FGF9: variants seen among roughly 807,000 people sequenced by gnomAD.
FGF9 encodes fibroblast growth factor 9 (glia-activating factor).
Under a neutral mutation model 19.9 loss-of-function variants are expected in FGF9, and 3 were observed. The ratio of observed to expected loss-of-function variants is 0.15; its 90% CI spans 0.07 to 0.39. FGF9 has a LOEUF of 0.39. Ranked by LOEUF, FGF9 falls within the 10% of genes least tolerant of loss-of-function variation. FGF9 has a pLI of 1.00. For synonymous variants in FGF9, 107 were observed against 106.9 expected, an observed-to-expected ratio of 1.00 and a Z score of -0.01; for missense variants, 175 against 256.8, an observed-to-expected ratio of 0.68 and a Z score of 2.18.
At chr13:21,695,989 G>A (rs147334628) in intron 2 of FGF9, among the ~76,000 whole-genome samples, 101 of 152,278 alleles carry the variant, frequency 6.6e-4, no homozygotes, top group African/African-American at 1.5e-3. Flanking sequence ...ACAGCATGGC[G>A]TAAGTCTATA....
At chr13:21,674,449 G>T (rs1593089560) in intron 1 of FGF9, among the ~76,000 whole-genome samples, 2 of 150,644 alleles carry the variant, frequency 1.3e-5, no homozygotes, top group South Asian at 4.2e-4. Context: ...CGCCGATCGC[G>T]ATCTGGCTTT....
At chr13:21,690,892 G>T (rs533271796) in intron 2 of FGF9, among the ~76,000 whole-genome samples, 1 of 152,390 alleles carries the variant, frequency 6.6e-6, no homozygotes, top group South Asian at 2.1e-4. Flanking sequence ...CTAAGCGCAA[G>T]AAGGCTGTAA....
At chr13:21,675,510 G>C (rs1947201758) in intron 1 of FGF9, among the ~76,000 whole-genome samples, 1 of 151,954 alleles carries the variant, frequency 6.6e-6, no homozygotes, top group Non-Finnish European at 1.5e-5. Flanking sequence ...AGGGGGCGAG[G>C]GGGCTGCGGT....
rs17070431 is a variant in FGF9, at chr13:21,691,594, A to T, written c.382-9596A>T. Among the ~76,000 whole-genome samples the T allele has an allele frequency of 0.037, 5,632 of 152,252 alleles. 146 individuals carry two copies. Among genetic ancestry groups the T allele is most frequent in the Non-Finnish European group, 0.057 (3,853 of 68,010 alleles). On this transcript the variant is annotated intron_variant, in intron 2 of 2. Coordinates refer to ENST00000382353, the MANE Select transcript of FGF9 (RefSeq NM_002010.3). This position sits in a 1 kb window ranked among gnomAD's most constrained non-coding sequence, Gnocchi z 4.2. ...GACATGTGGAGAGTCCTCCCCTGTC[A>T]GCATCAGCAGCCCCTCCGGGGCTGT...
intron 2 of FGF9, among the ~76,000 whole-genome samples, chr13:21,692,286 C>T (rs927196062): frequency 2.0e-5 from 3 of 152,034 alleles, no homozygotes; most frequent in African/African-American, 7.3e-5. Context: ...TTCCTTTTCC[C>T]CCCTTCTTTC....
At chr13:21,675,120 G>C (rs1455735081) in intron 1 of FGF9, among the ~76,000 whole-genome samples, 1 of 151,910 alleles carries the variant, frequency 6.6e-6, no homozygotes, top group African/African-American at 2.4e-5. Context: ...GCGCCGAGCC[G>C]CTAGCTAGCC....
chr13:21,676,096 T>C (rs928084132), intron 1 of FGF9, among the ~76,000 whole-genome samples: 1 of 152,138 alleles, frequency 6.6e-6, no homozygotes, highest in African/African-American at 2.4e-5. Context: ...ACTCCAGCCT[T>C]GCTAGATGGA....
At chr13:21,677,851 TC>T (rs1228643849) in intron 1 of FGF9, among the ~76,000 whole-genome samples, 2 of 152,206 alleles carry the variant, frequency 1.3e-5, no homozygotes, top group Non-Finnish European at 2.9e-5. Flanking sequence ...TGTAGGTAGT[TC>T]CTTCTCGCTT....
intron 2 of FGF9, among the ~76,000 whole-genome samples, chr13:21,685,688 T>G (rs1872140760): frequency 6.6e-6 from 1 of 152,202 alleles, no homozygotes; most frequent in South Asian, 2.1e-4. Flanking sequence ...TAGCTATACT[T>G]GTAAATAATT....
At chr13:21,700,629 A>G (rs191612972) in intron 2 of FGF9, among the ~76,000 whole-genome samples, 1 of 152,380 alleles carries the variant, frequency 6.6e-6, no homozygotes, top group Admixed American at 6.5e-5. Flanking sequence ...TATAAAATAT[A>G]TACTGGTGTT....
rs1872295895 is a variant in FGF9 at position 21,691,742 on chromosome 13, G to C, written c.382-9448G>C. Among the ~76,000 whole-genome samples the C allele has an allele frequency of 6.6e-6, 1 of 152,200 alleles. No homozygotes were observed. The highest frequency in any genetic ancestry group is 1.5e-5 in the Non-Finnish European group (1 of 68,042). ...CCCCTCCCGACTCCCCCTCACCAGG[G>C]ACTGACTTGAACTTGGTCAGAAACA... On this transcript the variant is annotated intron_variant, in intron 2 of 2. Coordinates refer to ENST00000382353, the MANE Select transcript of FGF9 (RefSeq NM_002010.3). The surrounding 1 kb of genome is among the most constrained non-coding windows in gnomAD (Gnocchi z 4.2).
intron 2 of FGF9, 135 bp downstream of exon 2, chr13:21,681,280 G>A: frequency 1.5e-6 from 1 of 683,632 alleles, no homozygotes; most frequent in Non-Finnish European, 2.6e-6. Context: ...ACTTTTTGAG[G>A]AAAGCCATTT....
chr13:21,694,675 T>C (rs1297157871), intron 2 of FGF9, among the ~76,000 whole-genome samples: 1 of 152,194 alleles, frequency 6.6e-6, no homozygotes, highest in African/African-American at 2.4e-5. Flanking sequence ...GGGGGAAAAA[T>C]GTTATATGTG....
intron 2 of FGF9, among the ~76,000 whole-genome samples, chr13:21,682,501 T>G (rs954180032): frequency 5.9e-5 from 9 of 152,164 alleles, no homozygotes; most frequent in Admixed American, 5.9e-4. Flanking sequence ...CATACATATA[T>G]ATAAAATGCT....
At chr13:21,697,723 C>T (rs1307682919) in intron 2 of FGF9, among the ~76,000 whole-genome samples, 1 of 152,004 alleles carries the variant, frequency 6.6e-6, no homozygotes, top group Non-Finnish European at 1.5e-5. Context: ...TTCACGATTG[C>T]TATTTTCCTG....
chr13:21,692,499 G>A (rs781276577), intron 2 of FGF9, among the ~76,000 whole-genome samples: 5 of 152,108 alleles, frequency 3.3e-5, no homozygotes, highest in African/African-American at 9.7e-5. Context: ...CCCCGGGATC[G>A]CCACTTTGTC....
intron 2 of FGF9, among the ~76,000 whole-genome samples, chr13:21,694,345 A>G (rs1216131239): frequency 1.3e-5 from 2 of 151,978 alleles, no homozygotes; most frequent in Non-Finnish European, 2.9e-5. Context: ...TGCTTTCTCT[A>G]TCATAGAAAG....
chr13:21,701,050 T>C (rs1215810729), intron 2 of FGF9, 140 bp from the exon 3 acceptor site: 2 of 650,008 alleles, frequency 3.1e-6, no homozygotes, highest in African/African-American at 1.8e-5. Context: ...CTGGGGTACA[T>C]GTGTAGGATG....
intron 1 of FGF9, among the ~76,000 whole-genome samples, chr13:21,677,252 C>T (rs1871939246): frequency 2.0e-5 from 3 of 152,204 alleles, no homozygotes; most frequent in Admixed American, 2.0e-4. Context: ...CCATGGTACA[C>T]ATGTGTGTGC....
Sources: gnomAD v4.1 joint callset for allele counts (sites outside exome capture counted in the v4.1 genomes callset) on GRCh38, gnomAD v4.1.1 for gene constraint, Gnocchi (gnomAD v3.1) non-coding constraint, MANE v1.5 for transcripts, NCBI Gene and HGNC (gene_info 2026-07-23, HGNC 2026-07-21) for gene names.